The following MTRF1 variants were observed in gnomAD, a reference collection of about 807,000 sequenced individuals.
MTRF1 encodes the protein peptide chain release factor 1, mitochondrial.
MTRF1 carries 51 observed loss-of-function variants against 62.9 expected under a neutral mutation model. The observed-to-expected ratio is 0.81, with a 90% CI of 0.65 to 1.02. The LOEUF is 1.02. MTRF1 is among the 50% of genes least tolerant of loss of function. The pLI, the probability that MTRF1 is intolerant of heterozygous loss-of-function variation, is 0.00. For synonymous variants in MTRF1, 158 were observed against 181.9 expected, an observed-to-expected ratio of 0.87 and a Z score of 1.06; for missense variants, 446 against 530.0, an observed-to-expected ratio of 0.84 and a Z score of 1.56.
At chr13:41,287,442 G>A in the MTRF1 span, among the ~76,000 whole-genome samples, 12 of 152,282 alleles carry the variant, frequency 7.9e-5, no homozygotes, top group African/African-American at 2.6e-4. Context: ...GATCCACACT[G>A]GAGACTACAT....
At chr13:41,229,919 G>A (rs1384644181) in intron 7 of MTRF1, among the ~76,000 whole-genome samples, 1 of 152,060 alleles carries the variant, frequency 6.6e-6, no homozygotes, top group Non-Finnish European at 1.5e-5. Context: ...TGGCCAACAT[G>A]GTGAAACTAC....
chr13:41,299,751 T>C, the MTRF1 span, among the ~76,000 whole-genome samples: 1 of 151,864 alleles, frequency 6.6e-6, no homozygotes, highest in Non-Finnish European at 1.5e-5. Flanking sequence ...TTTTTTTCAG[T>C]GATAAACTGA....
the MTRF1 span, among the ~76,000 whole-genome samples, chr13:41,279,907 T>G: frequency 1.3e-5 from 2 of 152,152 alleles, no homozygotes; most frequent in East Asian, 3.8e-4. Flanking sequence ...GAGAGATTTC[T>G]CTGCAAAGTA....
chr13:41,242,192 TAA>T (rs951801175), intron 5 of MTRF1, among the ~76,000 whole-genome samples: 6 of 152,226 alleles, frequency 3.9e-5, no homozygotes, highest in African/African-American at 1.4e-4. Context: ...ATTAAAAGTT[TAA>T]ATTATCATTA....
Position 41,226,535 on chromosome 13 carries a change from T to C in MTRF1, c.1022A>G (p.Gln341Arg). Residue 341 changes from glutamine (Q) to arginine (R), a missense_variant, in exon 8 of 10, where the codon CAG becomes CGG. By Grantham distance (43) the Gln-to-Arg change is conservative (BLOSUM62 1). Transcript: ENST00000379480. ...LVVECQQERS[Q>R]IKNKEIAFRV... The stretch of plus-strand genomic sequence containing the variant: ...AAAGGCTATTTCTTTATTTTTTATC[T>C]GTGATCTTTCTTGTTGGCATTCTAC... 2 of 1,613,992 alleles carry C rather than the reference T, an allele frequency of 1.2e-6. No homozygotes were observed.
At chr13:41,217,762 A>C (rs2032197740) in intron 9 of MTRF1, among the ~76,000 whole-genome samples, 1 of 152,238 alleles carries the variant, frequency 6.6e-6, no homozygotes. Flanking sequence ...TAATGCACAT[A>C]CTGCTCCTTG....
At chr13:41,306,699 G>A in the MTRF1 span, among the ~76,000 whole-genome samples, 1 of 152,164 alleles carries the variant, frequency 6.6e-6, no homozygotes, top group Non-Finnish European at 1.5e-5. Context: ...AATTGCAAAG[G>A]TCTTTACAGA....
At chr13:41,233,745 C>A (rs1039360728) in intron 7 of MTRF1, 145 bp downstream of exon 7, 5 of 671,500 alleles carry the variant, frequency 7.4e-6, no homozygotes, top group Non-Finnish European at 1.3e-5. Context: ...GAAATATGAA[C>A]ACAATAGCCA....
At chr13:41,220,344 A>C (rs890133469) in intron 9 of MTRF1, among the ~76,000 whole-genome samples, 1 of 151,740 alleles carries the variant, frequency 6.6e-6, no homozygotes, top group Non-Finnish European at 1.5e-5. Context: ...AAAAAAAAAA[A>C]AACAGGAAAA....
chr13:41,269,247 T>C, the MTRF1 span, among the ~76,000 whole-genome samples: 3 of 138,420 alleles, frequency 2.2e-5, no homozygotes, highest in Non-Finnish European at 4.6e-5. Flanking sequence ...TCACCTAGAC[T>C]GGAGTGCAAT....
At chr13:41,222,989 G>A (rs2033705405) in intron 9 of MTRF1, among the ~76,000 whole-genome samples, 1 of 152,166 alleles carries the variant, frequency 6.6e-6, no homozygotes, top group Non-Finnish European at 1.5e-5. Flanking sequence ...ATGTATATAT[G>A]CAGACTGAAT....
At chr13:41,245,484 T>A (rs919062526) in intron 5 of MTRF1, among the ~76,000 whole-genome samples, 1 of 152,060 alleles carries the variant, frequency 6.6e-6, no homozygotes, top group East Asian at 1.9e-4. Context: ...GCTCAAGCGA[T>A]CCTCCCACTT....
chr13:41,290,040 A>G, the MTRF1 span, among the ~76,000 whole-genome samples: 30 of 152,136 alleles, frequency 2.0e-4, no homozygotes, highest in African/African-American at 6.7e-4. Flanking sequence ...TGCTACAGGA[A>G]GAAACAAACT....
At chr13:41,291,619 C>T in the MTRF1 span, among the ~76,000 whole-genome samples, 2 of 152,056 alleles carry the variant, frequency 1.3e-5, no homozygotes, top group African/African-American at 2.4e-5. Context: ...CTCTAGCTCT[C>T]ATATATCTCC....
At chr13:41,257,988 A>C (rs1224742990) in intron 2 of MTRF1, among the ~76,000 whole-genome samples, 1 of 152,220 alleles carries the variant, frequency 6.6e-6, no homozygotes, top group Non-Finnish European at 1.5e-5. Flanking sequence ...TTTAGAAATG[A>C]TGTAATCCAA....
At chr13:41,254,909 A>G (rs1479857627) in intron 2 of MTRF1, among the ~76,000 whole-genome samples, 1 of 152,192 alleles carries the variant, frequency 6.6e-6, no homozygotes, top group Non-Finnish European at 1.5e-5. Context: ...ATCTATTAAC[A>G]GTAGTAACAA....
At chr13:41,268,235 C>G (rs1450500228), upstream of MTRF1, among the ~76,000 whole-genome samples, 1 of 152,104 alleles carries the variant, frequency 6.6e-6, no homozygotes, top group African/African-American at 2.4e-5. Context: ...TAACCACACA[C>G]CATTTCATAT....
chr13:41,306,263 A>G, the MTRF1 span, among the ~76,000 whole-genome samples: 1 of 152,116 alleles, frequency 6.6e-6, no homozygotes, highest in Admixed American at 6.5e-5. Flanking sequence ...GGGCGCCTGT[A>G]GTCCCAGCTA....
At chr13:41,257,604 G>C (rs1340630414) in intron 2 of MTRF1, 6 of 184,084 alleles carry the variant, frequency 3.3e-5, no homozygotes, top group African/African-American at 1.2e-4. Context: ...GAAAACACAG[G>C]CTGGGCAACA....
Sources: gnomAD v4.1 joint callset for allele counts (sites outside exome capture counted in the v4.1 genomes callset) on GRCh38, gnomAD v4.1.1 for gene constraint, MANE v1.5 for transcripts, NCBI Gene and HGNC (gene_info 2026-07-23, HGNC 2026-07-21) for gene names.